Variants in CSGALNACT1 observed in about 807,000 individuals in gnomAD.
CSGALNACT1 encodes chondroitin sulfate N-acetylgalactosaminyltransferase 1, also known as beta4GalNAcT-1.
CSGALNACT1 carries 52 observed loss-of-function variants against 51.0 expected under a neutral mutation model. That is an observed-to-expected ratio of 1.02 (90% CI 0.82 to 1.29). The LOEUF is 1.29. Among genes scored for constraint, CSGALNACT1 ranks in the 50% most tolerant of loss-of-function variants. CSGALNACT1 has a pLI of 0.00. For missense variants in CSGALNACT1, 935 were observed against 679.2 expected, an observed-to-expected ratio of 1.38 and a Z score of -4.19; for synonymous variants, 341 against 254.4, an observed-to-expected ratio of 1.34 and a Z score of -3.24.
chr8:19,731,892 A>G (rs1034637977), intron 1 of CSGALNACT1, among the ~76,000 whole-genome samples: 1 of 152,212 alleles, frequency 6.6e-6, no homozygotes, highest in Non-Finnish European at 1.5e-5. Flanking sequence ...TAAAATATTG[A>G]GTCAAATAAT....
chr8:19,483,625 A>G (rs577537886), intron 4 of CSGALNACT1, among the ~76,000 whole-genome samples: 1 of 152,246 alleles, frequency 6.6e-6, no homozygotes, highest in South Asian at 2.1e-4. Flanking sequence ...AGTGGATCTG[A>G]TGGCCTTCCT....
At chr8:19,676,003 A>C (rs1015190826) in intron 1 of CSGALNACT1, among the ~76,000 whole-genome samples, 1 of 151,058 alleles carries the variant, frequency 6.6e-6, no homozygotes, top group South Asian at 2.1e-4. Context: ...CTCAACTCAC[A>C]CTGGAAACAC....
intron 3 of CSGALNACT1, among the ~76,000 whole-genome samples, chr8:19,538,001 TAGC>T (rs1563952635): frequency 6.6e-6 from 1 of 152,170 alleles, no homozygotes; most frequent in Non-Finnish European, 1.5e-5. Context: ...AACAAAGGAC[TAGC>T]ACCAACCTTT....
intron 1 of CSGALNACT1, among the ~76,000 whole-genome samples, chr8:19,741,569 A>AAG (rs2064320756): frequency 1.3e-5 from 2 of 151,686 alleles, no homozygotes; most frequent in Non-Finnish European, 2.9e-5. Flanking sequence ...TCAAAAAAAA[A>AAG]AAAAAAAAAA....
intron 3 of CSGALNACT1, among the ~76,000 whole-genome samples, chr8:19,511,093 G>T (rs1048032064): frequency 1.3e-5 from 2 of 152,254 alleles, no homozygotes; most frequent in Non-Finnish European, 2.9e-5. Flanking sequence ...CGCTGTCAGG[G>T]TCAGCAGCAG....
chr8:19,564,134 G>A (rs1269244576), intron 3 of CSGALNACT1, among the ~76,000 whole-genome samples: 2 of 152,068 alleles, frequency 1.3e-5, no homozygotes, highest in Admixed American at 6.5e-5. Flanking sequence ...TGAACTTAAC[G>A]CACAGAACAT....
intron 4 of CSGALNACT1, among the ~76,000 whole-genome samples, chr8:19,472,991 T>A (rs2068561983): frequency 6.6e-6 from 1 of 152,206 alleles, no homozygotes; most frequent in African/African-American, 2.4e-5. Flanking sequence ...TATTATCATG[T>A]CATTCTACTT....
upstream of CSGALNACT1, among the ~76,000 whole-genome samples, chr8:19,603,274 C>T (rs75591344): frequency 0.046 from 7,032 of 152,240 alleles, 522 homozygotes; most frequent in African/African-American, 0.16. Flanking sequence ...CTCTGACTCA[C>T]TGACATGAAC....
intron 4 of CSGALNACT1, among the ~76,000 whole-genome samples, chr8:19,489,466 T>C (rs2073875103): frequency 6.6e-6 from 1 of 152,172 alleles, no homozygotes; most frequent in Non-Finnish European, 1.5e-5. Context: ...CCTTCTTCCT[T>C]CTGAGGCCAA....
intron 6 of CSGALNACT1, among the ~76,000 whole-genome samples, chr8:19,428,195 C>G (rs1223708862): frequency 1.3e-5 from 2 of 152,178 alleles, no homozygotes; most frequent in Non-Finnish European, 2.9e-5. Flanking sequence ...CCACACAATA[C>G]CCGAATGTAC....
chr8:19,476,293 C>G (rs975061759), intron 4 of CSGALNACT1, among the ~76,000 whole-genome samples: 3 of 152,146 alleles, frequency 2.0e-5, no homozygotes, highest in Admixed American at 6.5e-5. Flanking sequence ...AGGTAGAGTT[C>G]AATGGCAAGA....
intron 1 of CSGALNACT1, among the ~76,000 whole-genome samples, chr8:19,611,440 A>C (rs544859478): frequency 6.6e-6 from 1 of 152,188 alleles, no homozygotes; most frequent in Non-Finnish European, 1.5e-5. Flanking sequence ...CTTGCTGTAA[A>C]CCACGCCCCA....
intron 3 of CSGALNACT1, among the ~76,000 whole-genome samples, chr8:19,588,201 C>G (rs376126393): frequency 6.6e-6 from 1 of 151,278 alleles, no homozygotes. Flanking sequence ...GTCCCCCATC[C>G]CCTCAGCAAA....
At chr8:19,480,834 C>T (rs59399037) in intron 4 of CSGALNACT1, among the ~76,000 whole-genome samples, 3,085 of 152,256 alleles carry the variant, frequency 0.02, 90 homozygotes, top group African/African-American at 0.069. Context: ...ACCAACAACA[C>T]TGGGAGGAAA....
chr8:19,510,839 T>C (rs2078328730), intron 3 of CSGALNACT1, among the ~76,000 whole-genome samples: 1 of 152,216 alleles, frequency 6.6e-6, no homozygotes, highest in South Asian at 2.1e-4. Flanking sequence ...TCTCAGAAGG[T>C]AAAACAAAGG....
chr8:19,533,407 C>T (rs1322875729), intron 3 of CSGALNACT1, among the ~76,000 whole-genome samples: 1 of 152,144 alleles, frequency 6.6e-6, no homozygotes, highest in African/African-American at 2.4e-5. Context: ...CAGTCATAAG[C>T]CATGAGTCCC....
chr8:19,669,475 G>A (rs2059623453), intron 1 of CSGALNACT1, among the ~76,000 whole-genome samples: 1 of 152,076 alleles, frequency 6.6e-6, no homozygotes, highest in Non-Finnish European at 1.5e-5. Flanking sequence ...TTTTGGAGAT[G>A]GAGTCTCCCT....
At chr8:19,736,630 G>A (rs565143985) in intron 1 of CSGALNACT1, among the ~76,000 whole-genome samples, 13 of 152,132 alleles carry the variant, frequency 8.5e-5, no homozygotes, top group Middle Eastern at 3.4e-3. Flanking sequence ...ATTAGAAACC[G>A]AATAGATGGT....
chr8:19,696,074 C>T (rs1001058297), intron 1 of CSGALNACT1, among the ~76,000 whole-genome samples: 1 of 152,158 alleles, frequency 6.6e-6, no homozygotes, highest in Non-Finnish European at 1.5e-5. Flanking sequence ...CATAGTCCTA[C>T]AAATCGTCTT....
Sources: gnomAD v4.1 joint callset for allele counts (sites outside exome capture counted in the v4.1 genomes callset) on GRCh38, gnomAD v4.1.1 for gene constraint, MANE v1.5 for transcripts, NCBI Gene and HGNC (gene_info 2026-07-23, HGNC 2026-07-21) for gene names.